GRM1: variants seen among roughly 807,000 people sequenced by gnomAD.
GRM1 encodes glutamate metabotropic receptor 1.
In GRM1, 33 loss-of-function variants were observed where a neutral mutation model predicts 90.9. The ratio of observed to expected loss-of-function variants is 0.36; its 90% confidence interval spans 0.28 to 0.49. The LOEUF (loss-of-function observed/expected upper bound fraction) is 0.49, where lower values mean the gene tolerates loss of function less well. Ranked by LOEUF, GRM1 falls within the 20% of genes least tolerant of loss-of-function variation. The pLI, the probability that GRM1 is intolerant of heterozygous loss-of-function variation, is 0.99. For synonymous variants in GRM1, 700 were observed against 613.2 expected (o/e 1.14, Z -2.09); for missense variants, 1,190 against 1,534.3 (o/e 0.78, Z 3.75).
chr6:146,219,222 C>A (rs957059248), intron 2 of GRM1, among the ~76,000 whole-genome samples: 1 of 152,108 alleles, frequency 6.6e-6, no homozygotes, highest in Non-Finnish European at 1.5e-5. Context: ...ATTTTATTAA[C>A]TAAGTTTCTG....
intron 2 of GRM1, among the ~76,000 whole-genome samples, chr6:146,252,587 C>T (rs1296757653): frequency 6.6e-6 from 1 of 151,258 alleles, no homozygotes; most frequent in African/African-American, 2.4e-5. Context: ...GCACTACAGC[C>T]TGGGCGACAG....
chr6:146,251,113 C>T (rs1309638991), intron 2 of GRM1, among the ~76,000 whole-genome samples: 1 of 152,168 alleles, frequency 6.6e-6, no homozygotes, highest in African/African-American at 2.4e-5. Context: ...TAAGTGAAAA[C>T]GTTAGTGGCC....
chr6:146,245,741 A>T (rs919266215), intron 2 of GRM1, among the ~76,000 whole-genome samples: 2 of 152,212 alleles, frequency 1.3e-5, no homozygotes, highest in African/African-American at 4.8e-5. Flanking sequence ...TATTATTGAG[A>T]ACCCTCTAAG....
At chr6:146,187,609 G>A (rs995416561) in intron 2 of GRM1, among the ~76,000 whole-genome samples, 4 of 151,866 alleles carry the variant, frequency 2.6e-5, no homozygotes, top group Non-Finnish European at 4.4e-5. Flanking sequence ...GTAGAGGGGA[G>A]GCAAAGACAT....
chr6:146,376,317 C>T (rs961021045), intron 5 of GRM1, among the ~76,000 whole-genome samples: 1 of 152,080 alleles, frequency 6.6e-6, no homozygotes, highest in Non-Finnish European at 1.5e-5. Context: ...TTACATACCA[C>T]AGTTATAGTG....
intron 5 of GRM1, chr6:146,365,136 A>G (rs545819662): frequency 4.6e-5 from 7 of 152,334 alleles, no homozygotes; most frequent in Admixed American, 1.3e-4. Context: ...TGAGAAGTCT[A>G]TAATTATGTA....
chr6:146,185,810 A>G (rs997890536), intron 2 of GRM1, among the ~76,000 whole-genome samples: 2 of 152,148 alleles, frequency 1.3e-5, no homozygotes, highest in Admixed American at 6.5e-5. Flanking sequence ...ATCTCTAACT[A>G]TTGTCCATTG....
At chr6:146,307,421 C>CT (rs1469626885) in intron 3 of GRM1, among the ~76,000 whole-genome samples, 1 of 152,042 alleles carries the variant, frequency 6.6e-6, no homozygotes, top group African/African-American at 2.4e-5. Context: ...AATTCTTATA[C>CT]TTTTATCTTT....
intron 2 of GRM1, among the ~76,000 whole-genome samples, chr6:146,303,275 T>C (rs1783460369): frequency 6.6e-6 from 1 of 152,162 alleles, no homozygotes; most frequent in African/African-American, 2.4e-5. Context: ...TGGCAGAGAC[T>C]GCATCTTTAT....
At chr6:146,047,072 G>T (rs1310615823) in intron 1 of GRM1, among the ~76,000 whole-genome samples, 3 of 152,006 alleles carry the variant, frequency 2.0e-5, no homozygotes, top group Admixed American at 2.0e-4. Flanking sequence ...ATGGTGAGTG[G>T]TTTAATTCAT....
At chr6:146,362,664 C>CCAAA (rs1775531280) in intron 5 of GRM1, among the ~76,000 whole-genome samples, 1 of 86,198 alleles carries the variant, frequency 1.2e-5, no homozygotes. Context: ...GACTCCATCT[C>CCAAA]AAAAAAAAAA....
chr6:146,107,970 C>T (rs1583012415), intron 1 of GRM1, among the ~76,000 whole-genome samples: 1 of 152,280 alleles, frequency 6.6e-6, no homozygotes, highest in African/African-American at 2.4e-5. Context: ...ATTTTCTCTA[C>T]TTTATGCTGA....
intron 1 of GRM1, among the ~76,000 whole-genome samples, chr6:146,072,952 A>C (rs1776062577): frequency 6.6e-6 from 1 of 152,076 alleles, no homozygotes; most frequent in South Asian, 2.1e-4. Context: ...ATACACAGGG[A>C]AGATGTGCAC....
chr6:146,263,452 T>C (rs1057340237), intron 2 of GRM1, among the ~76,000 whole-genome samples: 2 of 152,156 alleles, frequency 1.3e-5, no homozygotes, highest in East Asian at 3.9e-4. Context: ...AGGTAATTTA[T>C]ATGTTATTCT....
chr6:146,129,884 A>G (rs1776330357), intron 1 of GRM1, among the ~76,000 whole-genome samples: 1 of 152,158 alleles, frequency 6.6e-6, no homozygotes, highest in Non-Finnish European at 1.5e-5. Flanking sequence ...TCCTAAGGCT[A>G]GAGTCATAGA....
At chr6:146,223,016 T>C (rs955708116) in intron 2 of GRM1, among the ~76,000 whole-genome samples, 2 of 152,038 alleles carry the variant, frequency 1.3e-5, no homozygotes, top group African/African-American at 4.8e-5. Flanking sequence ...TATTTCTATC[T>C]AGTAATGTAG....
chr6:146,095,526 T>C (rs963584287), intron 1 of GRM1, among the ~76,000 whole-genome samples: 3 of 152,132 alleles, frequency 2.0e-5, no homozygotes, highest in Non-Finnish European at 4.4e-5. Context: ...AAGCTAGAAA[T>C]AGTATCTCCT....
intron 3 of GRM1, among the ~76,000 whole-genome samples, chr6:146,316,996 T>C (rs970564577): frequency 3.3e-5 from 5 of 152,232 alleles, no homozygotes; most frequent in Admixed American, 6.5e-5. Flanking sequence ...TTAATAGCCA[T>C]GCCTACAATT....
rs543864878 is a variant in GRM1 at position 146,118,202 on chromosome 6, C to T, written c.701-41146C>T. 9.0e-5 allele frequency among the ~76,000 whole-genome samples: 12 copies of T among 133,652 alleles called. No homozygotes were observed. The South Asian group carries it at 1.2e-3, about 13-fold the overall frequency. The allele number at this position is 133,652 out of a possible 152,430, so 87.7% of individuals were successfully genotyped here. A position where few individuals can be genotyped will look rare whatever the true frequency, so the allele number is the denominator to read the frequency against. ...TTGCCCAGGCTGGAGTGCAGTGGTGCGATCTCCGCTCACTGCAAGCTCCAC... is the reference window on the plus strand; with the variant it reads ...TTGCCCAGGCTGGAGTGCAGTGGTGTGATCTCCGCTCACTGCAAGCTCCAC... On this transcript the variant is annotated intron_variant, in intron 1 of 7. Coordinates refer to ENST00000282753, the MANE Select transcript of GRM1 (RefSeq NM_001278064.2).
Sources: gnomAD v4.1 joint callset for allele counts (sites outside exome capture counted in the v4.1 genomes callset) on GRCh38, gnomAD v4.1.1 for gene constraint, MANE v1.5 for transcripts, NCBI Gene and HGNC (gene_info 2026-07-23, HGNC 2026-07-21) for gene names.